BIRC6: variants seen among roughly 807,000 people sequenced by gnomAD.
BIRC6 encodes dual E2 ubiquitin-conjugating enzyme/E3 ubiquitin-protein ligase BIRC6.
A neutral mutation model predicts 503.3 loss-of-function variants in BIRC6; 98 were observed. The ratio of observed to expected loss-of-function variants is 0.19; its 90% confidence interval spans 0.17 to 0.23. BIRC6 has a LOEUF of 0.23. Ranked by LOEUF, BIRC6 falls within the 10% of genes least tolerant of loss-of-function variation. The pLI is 1.00. For missense variants in BIRC6, 5,360 were observed against 5,806.0 expected (o/e 0.92, Z 2.50); for synonymous variants, 2,240 against 2,078.7 (o/e 1.08, Z -2.11).
intron 23 of BIRC6, among the ~76,000 whole-genome samples, chr2:32,460,274 T>TATA (rs1572383914): frequency 9.2e-4 from 18 of 19,568 alleles, no homozygotes; most frequent in African/African-American, 1.5e-3. Context: ...ATATATATAT[T>TATA]TTTTTTTTTT....
chr2:32,421,088 G>C lies in BIRC6; in HGVS notation c.2872+4925G>C, dbSNP rs182946751. Reference sequence around the variant, plus strand: ...TTTGGGTTTATTTTGCTCTTCTCTAGTTTCTTTCTTTCTTTCTTTCTTTCT... The same window carrying C: ...TTTGGGTTTATTTTGCTCTTCTCTACTTTCTTTCTTTCTTTCTTTCTTTCT... On this transcript the variant is annotated intron_variant, in intron 10 of 73. Coordinates refer to ENST00000421745, the MANE Select transcript of BIRC6 (RefSeq NM_016252.4). 1.6e-3 allele frequency among the ~76,000 whole-genome samples: 233 copies of C among 143,530 alleles called. 3 individuals carry two copies. In the Middle Eastern group the frequency reaches 0.018, roughly 11 times the overall value. 94.2% of individuals were successfully genotyped at this position (143,530 alleles called of 152,430 possible). A position where few individuals can be genotyped will look rare whatever the true frequency, so the allele number is the denominator to read the frequency against.
chr2:32,369,664 G>A (rs1036973263), intron 1 of BIRC6, among the ~76,000 whole-genome samples: 1 of 151,740 alleles, frequency 6.6e-6, no homozygotes, highest in African/African-American at 2.4e-5. Context: ...CTGACCTCAA[G>A]TGATCCGCCC....
In BIRC6 at chr2:32,611,519, C is replaced by A; in HGVS notation, c.14331C>A (p.Ile4777=). The A allele has an allele frequency of 6.2e-7, 1 of 1,610,348 alleles. No individual in the cohort carries two copies. The highest frequency in any genetic ancestry group is 8.5e-7 in the Non-Finnish European group (1 of 1,177,754). ...MAQCEEWIAD[I]QQYSSDKRVG... Reference sequence around the variant, plus strand: ...AATGTGAGGAGTGGATTGCGGATATCCAGCAGTACAGCAGTGATAAGCGGG... The same window carrying A: ...AATGTGAGGAGTGGATTGCGGATATACAGCAGTACAGCAGTGATAAGCGGG... The change falls in exon 73 of 74, where the codon ATC becomes ATA. Residue 4777 remains isoleucine, a synonymous_variant. Transcript: ENST00000421745.
chr2:32,460,310 C>T (rs1376351065), intron 23 of BIRC6, among the ~76,000 whole-genome samples: 5 of 93,858 alleles, frequency 5.3e-5, no homozygotes, highest in East Asian at 7.7e-4. Flanking sequence ...CATGGAGTCT[C>T]GCTCTGTTGC....
At chr2:32,524,027 C>T (rs973103618) in intron 57 of BIRC6, among the ~76,000 whole-genome samples, 3 of 144,850 alleles carry the variant, frequency 2.1e-5, no homozygotes, top group Admixed American at 7.0e-5. Flanking sequence ...CTGGGCAACA[C>T]AGCGAGACCT....
chr2:32,401,720 A>G, intron 8 of BIRC6, 97 bp downstream of exon 8: 1 of 1,080,522 alleles, frequency 9.3e-7, no homozygotes, highest in Non-Finnish European at 1.3e-6. Context: ...AGGAAAAAAA[A>G]GTTACGCAGT....
chr2:32,442,019 T>A, intron 17 of BIRC6, 46 bp from the exon 18 acceptor site: 2 of 1,363,958 alleles, frequency 1.5e-6, no homozygotes, highest in South Asian at 3.7e-5. Flanking sequence ...TAGCTTTAGT[T>A]GTTCTGTTTT....
chr2:32,526,117 A>G (rs2056246117), intron 59 of BIRC6, among the ~76,000 whole-genome samples: 1 of 152,166 alleles, frequency 6.6e-6, no homozygotes, highest in Non-Finnish European at 1.5e-5. Context: ...ATACTTTTTG[A>G]GTGCTGGCAT....
At chr2:32,369,945 AATATATATATATAT>A (rs67839399) in intron 1 of BIRC6, among the ~76,000 whole-genome samples, 10 of 44,222 alleles carry the variant, frequency 2.3e-4, no homozygotes, top group African/African-American at 1.2e-3. Flanking sequence ...AAAAAAAAAA[AATATATATATATAT>A]ATATATATAT....
intron 71 of BIRC6, among the ~76,000 whole-genome samples, chr2:32,603,837 G>A (rs574293554): frequency 6.6e-6 from 1 of 151,386 alleles, no homozygotes; most frequent in African/African-American, 2.4e-5. Flanking sequence ...CTACATTATG[G>A]ATTAAAAATA....
At chr2:32,482,801 T>A (rs1163157281) in intron 39 of BIRC6, among the ~76,000 whole-genome samples, 2 of 152,176 alleles carry the variant, frequency 1.3e-5, no homozygotes, top group African/African-American at 4.8e-5. Context: ...GCAAGTGTTG[T>A]ATGGGATTGG....
intron 72 of BIRC6, among the ~76,000 whole-genome samples, chr2:32,609,351 C>T (rs1475229880): frequency 2.7e-5 from 4 of 150,388 alleles, no homozygotes; most frequent in African/African-American, 9.8e-5. Context: ...CCATAGTATA[C>T]CTAAATAGAA....
At chr2:32,474,267 T>C (rs2049468013) in intron 33 of BIRC6, among the ~76,000 whole-genome samples, 1 of 152,182 alleles carries the variant, frequency 6.6e-6, no homozygotes, top group Non-Finnish European at 1.5e-5. Flanking sequence ...TATGAGCTAG[T>C]TCAATCCTTT....
At chr2:32,521,053 C>T (rs780542774) in intron 57 of BIRC6, among the ~76,000 whole-genome samples, 1 of 152,010 alleles carries the variant, frequency 6.6e-6, no homozygotes, top group African/African-American at 2.4e-5. Context: ...AAAATAAAAG[C>T]TAATCGCTTT....
At chr2:32,501,638 T>G in intron 46 of BIRC6, 75 bp from the exon 47 acceptor site, 42 of 1,284,444 alleles carry the variant, frequency 3.3e-5, no homozygotes, top group Middle Eastern at 2.6e-4. Context: ...CCCAAAGTGT[T>G]GAGATTACAG....
intron 45 of BIRC6, 84 bp downstream of exon 45, chr2:32,493,751 A>G (rs1022786298): frequency 1.1e-5 from 13 of 1,155,324 alleles, no homozygotes; most frequent in Non-Finnish European, 1.1e-5. Flanking sequence ...ATTTGTTGGG[A>G]ATTTATCTGT....
chr2:32,532,025 T>G (rs752185353), intron 61 of BIRC6: 3 of 483,788 alleles, frequency 6.2e-6, no homozygotes, highest in Non-Finnish European at 1.2e-5. Context: ...GTCTGTGCTT[T>G]CCATGCTCTT....
intron 60 of BIRC6, among the ~76,000 whole-genome samples, chr2:32,530,536 T>C (rs1454856853): frequency 6.6e-6 from 1 of 152,210 alleles, no homozygotes; most frequent in Non-Finnish European, 1.5e-5. Flanking sequence ...TATTTTTGAA[T>C]ATCCATTTTT....
rs10528992 is a variant in BIRC6, at chr2:32,508,276, C to CTT, written c.9980+43_9980+44dup. On this transcript the variant is annotated intron_variant, in intron 51 of 73. Coordinates refer to ENST00000421745, the MANE Select transcript of BIRC6 (RefSeq NM_016252.4). ...CAAAACAAGGTATGTTTTGTTTGTC[C>CTT]TTTTTTTTTTTTTTTTTTTTTTTTT... is the stretch of plus-strand genomic sequence containing the variant. 20,915 of 849,446 alleles carry CTT rather than the reference C, an allele frequency of 0.025. 139 individuals carry two copies. The highest frequency in any genetic ancestry group is 0.026 in the Non-Finnish European group (17,590 of 681,934). 52.6% of individuals were successfully genotyped at this position (849,446 alleles called of 1,614,324 possible).
Sources: allele counts gnomAD v4.1 joint callset (sites outside exome capture counted in the v4.1 genomes callset), GRCh38; gene constraint gnomAD v4.1.1; transcripts MANE v1.5; gene names NCBI Gene and HGNC (gene_info 2026-07-23, HGNC 2026-07-21).